The following PPFIA2 variants were observed in gnomAD, a reference collection of about 807,000 sequenced individuals.
PPFIA2 encodes PPFI scaffold protein A2, also known as liprin-alpha-2.
Under a neutral mutation model 175.5 loss-of-function variants are expected in PPFIA2, and 46 were observed. The ratio of observed to expected loss-of-function variants is 0.26; its 90% confidence interval spans 0.21 to 0.34. The LOEUF is 0.34. Ranked by LOEUF, PPFIA2 falls within the 10% of genes least tolerant of loss-of-function variation. The pLI is 1.00. For missense variants in PPFIA2, 1,179 were observed against 1,506.1 expected (o/e 0.78, Z 3.60); for synonymous variants, 568 against 511.4 (o/e 1.11, Z -1.49).
intron 3 of PPFIA2, among the ~76,000 whole-genome samples, chr12:81,717,455 C>A (rs2078776714): frequency 6.6e-6 from 1 of 151,618 alleles, no homozygotes; most frequent in South Asian, 2.1e-4. Context: ...ATTAATGAGC[C>A]TCTTTTTAAT....
chr12:81,729,129 A>C (rs1333060758), intron 3 of PPFIA2, among the ~76,000 whole-genome samples: 1 of 151,548 alleles, frequency 6.6e-6, no homozygotes, highest in African/African-American at 2.4e-5. Flanking sequence ...TAAGTATTAC[A>C]ATAAAAAATT....
intron 4 of PPFIA2, among the ~76,000 whole-genome samples, chr12:81,566,302 G>C (rs187524021): frequency 6.6e-6 from 1 of 151,952 alleles, no homozygotes; most frequent in Non-Finnish European, 1.5e-5. Context: ...GGCAGGTAGA[G>C]CATGAGGTCA....
chr12:81,462,513 C>T (rs1420606471), intron 4 of PPFIA2, among the ~76,000 whole-genome samples: 2 of 142,220 alleles, frequency 1.4e-5, no homozygotes, highest in African/African-American at 5.1e-5. Flanking sequence ...TGTTTCTTAC[C>T]TTTTTCACTC....
rs368495549 is a variant in PPFIA2, at chr12:81,715,734, C to T, written c.249+38239G>A. Among the ~76,000 whole-genome samples the T allele has an allele frequency of 4.2e-4, 64 of 151,784 alleles. 3 individuals carry two copies. The South Asian group carries it at 0.011, about 26-fold the overall frequency. ...GGAAATCTATATCACATAAAACAAT[C>T]GTACAATCACGATAAAAGTATATTC... On this transcript the variant is annotated intron_variant, in intron 3 of 32. Coordinates refer to ENST00000549396, the MANE Select transcript of PPFIA2 (RefSeq NM_003625.5).
At chr12:81,509,566 G>A (rs889176324) in intron 4 of PPFIA2, among the ~76,000 whole-genome samples, 5 of 151,018 alleles carry the variant, frequency 3.3e-5, no homozygotes, top group Non-Finnish European at 4.4e-5. Flanking sequence ...AAAATACTTC[G>A]AGGTCTTGCT....
intron 4 of PPFIA2, among the ~76,000 whole-genome samples, chr12:81,483,605 A>G (rs1459085828): frequency 2.6e-5 from 4 of 152,080 alleles, no homozygotes; most frequent in Non-Finnish European, 5.9e-5. Flanking sequence ...GATGGTGGTG[A>G]AGGTTGCTCA....
intron 4 of PPFIA2, among the ~76,000 whole-genome samples, chr12:81,575,897 T>G (rs1056415606): frequency 7.2e-5 from 11 of 151,812 alleles, no homozygotes; most frequent in African/African-American, 2.2e-4. Flanking sequence ...ATACTCCTTC[T>G]CTTTTGTTTC....
intron 14 of PPFIA2, 53 bp from the exon 15 acceptor site, chr12:81,362,837 A>G (rs1001186965): frequency 9.5e-7 from 1 of 1,048,990 alleles, no homozygotes; most frequent in South Asian, 1.5e-5. Flanking sequence ...GCAAGCAATT[A>G]TGATAAATGA....
intron 4 of PPFIA2, among the ~76,000 whole-genome samples, chr12:81,607,916 T>C (rs1457427569): frequency 6.6e-6 from 1 of 152,092 alleles, no homozygotes; most frequent in African/African-American, 2.4e-5. Flanking sequence ...TTCAGTATGA[T>C]GTTGGTTGTG....
At chr12:81,387,086 T>A (rs1297451521) in intron 8 of PPFIA2, among the ~76,000 whole-genome samples, 1 of 152,048 alleles carries the variant, frequency 6.6e-6, no homozygotes, top group Non-Finnish European at 1.5e-5. Context: ...TTCAGATACC[T>A]TTCCTTCTAC....
intron 22 of PPFIA2, chr12:81,302,674 G>A (rs2048152470): frequency 2.2e-6 from 1 of 453,154 alleles, no homozygotes; most frequent in Non-Finnish European, 4.4e-6. Flanking sequence ...GCTACATGAT[G>A]GTAACTCCAG....
chr12:81,386,679 G>C (rs897623199), intron 8 of PPFIA2, among the ~76,000 whole-genome samples: 1 of 151,954 alleles, frequency 6.6e-6, no homozygotes, highest in African/African-American at 2.4e-5. Flanking sequence ...CCTCAGCCTA[G>C]CTACTTTGGA....
intron 4 of PPFIA2, among the ~76,000 whole-genome samples, chr12:81,493,746 GT>G (rs2059674068): frequency 7.6e-6 from 1 of 131,038 alleles, no homozygotes; most frequent in Non-Finnish European, 1.6e-5. Flanking sequence ...GTGTGTGTGT[GT>G]GTGTGTCTAT....
chr12:81,481,051 T>C (rs1303179464), intron 4 of PPFIA2, among the ~76,000 whole-genome samples: 1 of 152,186 alleles, frequency 6.6e-6, no homozygotes, highest in East Asian at 1.9e-4. Context: ...AGTCTCAGGA[T>C]ACAAAACCAA....
intron 3 of PPFIA2, among the ~76,000 whole-genome samples, chr12:81,743,485 C>G (rs1246518898): frequency 3.6e-5 from 4 of 111,220 alleles, no homozygotes; most frequent in African/African-American, 1.4e-4. Context: ...GGGGTGGCAT[C>G]TTGGTAGAGT....
At chr12:81,394,524 T>C (rs2040740487) in intron 8 of PPFIA2, among the ~76,000 whole-genome samples, 4 of 151,882 alleles carry the variant, frequency 2.6e-5, no homozygotes, top group Admixed American at 2.0e-4. Flanking sequence ...AAAGAATATG[T>C]GCCATCATTC....
rs2067665421 is a variant in PPFIA2, at chr12:81,655,570, ATCTT to A, written c.303+21217_303+21220del. On this transcript the variant is annotated intron_variant, in intron 4 of 32. Transcript: ENST00000549396. Reference sequence around the variant, plus strand: ...GCCAATGGGTTAATTAGAAGTGTCTATCTTGTTTTCCAAAAATTTTAGCACTTTT... The same window carrying A: ...GCCAATGGGTTAATTAGAAGTGTCTAGTTTTCCAAAAATTTTAGCACTTTT... Among the ~76,000 whole-genome samples the A allele has an allele frequency of 2.0e-5, 3 of 151,952 alleles. No homozygotes were observed. In the South Asian group the frequency reaches 6.2e-4, roughly 31 times the overall value.
intron 4 of PPFIA2, among the ~76,000 whole-genome samples, chr12:81,654,089 GA>G (rs796725790): frequency 5.3e-5 from 8 of 149,680 alleles, no homozygotes; most frequent in African/African-American, 1.7e-4. Context: ...TCAAGGAATG[GA>G]AAAAAATTAA....
intron 4 of PPFIA2, chr12:81,546,130 A>AG (rs1350481153): frequency 6.5e-6 from 1 of 152,786 alleles, no homozygotes; most frequent in African/African-American, 2.4e-5. Flanking sequence ...TCTCAAAAAA[A>AG]AAAAAAAAAA....
Sources: allele counts gnomAD v4.1 joint callset (sites outside exome capture counted in the v4.1 genomes callset), GRCh38; gene constraint gnomAD v4.1.1; transcripts MANE v1.5; gene names NCBI Gene and HGNC (gene_info 2026-07-23, HGNC 2026-07-21).